CNTNAP5: variants seen among roughly 807,000 people sequenced by gnomAD.
CNTNAP5 encodes the protein contactin-associated protein-like 5.
Under a neutral mutation model 150.2 loss-of-function variants are expected in CNTNAP5, and 72 were observed. That is an observed-to-expected ratio of 0.48 (90% confidence interval 0.40 to 0.58). CNTNAP5 has a LOEUF of 0.58. CNTNAP5 is among the 20% of genes least tolerant of loss of function. The probability of loss-of-function intolerance (pLI) is 0.00; values close to 1 mark genes in which losing one functional copy is unlikely to be tolerated. For synonymous variants in CNTNAP5, 672 were observed against 619.8 expected (o/e 1.08, Z -1.25); for missense variants, 1,636 against 1,626.2 (o/e 1.01, Z -0.10).
At chr2:124,461,899 A>G (rs1244829992) in intron 6 of CNTNAP5, among the ~76,000 whole-genome samples, 2 of 150,578 alleles carry the variant, frequency 1.3e-5, no homozygotes, top group African/African-American at 4.9e-5. Context: ...TTTTATCATT[A>G]TATCCTTCAA....
intron 19 of CNTNAP5, among the ~76,000 whole-genome samples, chr2:124,818,521 G>T (rs1682417086): frequency 6.6e-6 from 1 of 152,040 alleles, no homozygotes; most frequent in African/African-American, 2.4e-5. Context: ...AACAGTATGA[G>T]AACCTGTCTC....
In CNTNAP5 at chr2:124,644,905, TACAC is replaced by T. The variant is rs3039906; in HGVS notation, c.1877-2834_1877-2831del. The stretch of plus-strand genomic sequence containing the variant: ...TATATATCATATGATCACACACACA[TACAC>T]ACACACACACACACACACTGTGTGT... On this transcript the variant is annotated intron_variant, in intron 12 of 23. Transcript: ENST00000682447. Among the ~76,000 whole-genome samples the T allele has an allele frequency of 1.5e-4, 23 of 150,228 alleles. 1 individual carries two copies. The highest frequency in any genetic ancestry group is 2.7e-4 in the Admixed American group (4 of 15,082).
intron 3 of CNTNAP5, among the ~76,000 whole-genome samples, chr2:124,341,243 G>T (rs1252482352): frequency 6.6e-6 from 1 of 152,142 alleles, no homozygotes; most frequent in Non-Finnish European, 1.5e-5. Flanking sequence ...AGACAGGGGA[G>T]CTTACAGAGA....
chr2:124,119,619 G>A (rs886094770), intron 1 of CNTNAP5, among the ~76,000 whole-genome samples: 3 of 152,102 alleles, frequency 2.0e-5, no homozygotes, highest in African/African-American at 7.2e-5. Flanking sequence ...ATTTGAGATA[G>A]AATAGGGGCC....
chr2:124,276,371 AG>A (rs1687884080), intron 3 of CNTNAP5, among the ~76,000 whole-genome samples: 1 of 152,214 alleles, frequency 6.6e-6, no homozygotes, highest in Non-Finnish European at 1.5e-5. Flanking sequence ...TTTAACATAA[AG>A]GAAGTATTGA....
intron 10 of CNTNAP5, among the ~76,000 whole-genome samples, chr2:124,540,081 T>A (rs1036580573): frequency 1.3e-5 from 2 of 152,306 alleles, no homozygotes; most frequent in Admixed American, 1.3e-4. Flanking sequence ...TTGGATTTTA[T>A]GTCTTGCCAA....
At chr2:124,075,105 G>GA (rs1229299324) in intron 1 of CNTNAP5, among the ~76,000 whole-genome samples, 5 of 152,022 alleles carry the variant, frequency 3.3e-5, no homozygotes, top group African/African-American at 7.2e-5. Flanking sequence ...ATAGGGATAT[G>GA]AAAAAATATA....
At chr2:124,693,684 C>T (rs1679344472) in intron 13 of CNTNAP5, among the ~76,000 whole-genome samples, 1 of 152,086 alleles carries the variant, frequency 6.6e-6, no homozygotes. Context: ...CCTTTCCCTA[C>T]TGGGCTCCAC....
At chr2:124,582,392 A>G (rs908482482) in intron 11 of CNTNAP5, among the ~76,000 whole-genome samples, 1 of 152,204 alleles carries the variant, frequency 6.6e-6, no homozygotes, top group Non-Finnish European at 1.5e-5. Context: ...TAGTTTCTCA[A>G]AAGAGATTGA....
At chr2:124,205,700 C>G (rs1007960927) in intron 1 of CNTNAP5, among the ~76,000 whole-genome samples, 2 of 152,192 alleles carry the variant, frequency 1.3e-5, no homozygotes, top group African/African-American at 4.8e-5. Flanking sequence ...CCATACCCGG[C>G]CAAACCTTTT....
chr2:124,279,948 T>C (rs1687973236), intron 3 of CNTNAP5, among the ~76,000 whole-genome samples: 1 of 152,138 alleles, frequency 6.6e-6, no homozygotes, highest in African/African-American at 2.4e-5. Context: ...CTCTGTTCCA[T>C]GCCTTTCGTC....
In CNTNAP5 at chr2:124,918,902, T is replaced by G. The variant is rs1444716730; in HGVS notation, c.*4614T>G. ...TCTAGGAGGATAACTGAGTGCTATT[T>G]TCTGTCTCATGCAGTTTGAACATGT... is the stretch of plus-strand genomic sequence containing the variant. On this transcript the variant is annotated 3_prime_UTR_variant, in exon 24 of 24. Coordinates refer to ENST00000682447, the MANE Select transcript of CNTNAP5 (RefSeq NM_001367498.1). Among the ~76,000 whole-genome samples, 1 of 152,148 alleles carries G rather than the reference T, an allele frequency of 6.6e-6. No homozygotes were observed. The highest frequency in any genetic ancestry group is 1.9e-4 in the East Asian group (1 of 5,166).
chr2:124,339,984 C>T (rs948186428), intron 3 of CNTNAP5, among the ~76,000 whole-genome samples: 1 of 152,112 alleles, frequency 6.6e-6, no homozygotes, highest in Non-Finnish European at 1.5e-5. Context: ...GAGATGTTAT[C>T]TACAGGAACA....
chr2:124,163,125 T>C lies in CNTNAP5; in HGVS notation c.83-58580T>C, dbSNP rs550440381. Among the ~76,000 whole-genome samples, 27 of 152,288 alleles carry C rather than the reference T, an allele frequency of 1.8e-4. No homozygotes were observed. In the East Asian group the frequency reaches 5.2e-3, roughly 29 times the overall value. On this transcript the variant is annotated intron_variant, in intron 1 of 23. Transcript: ENST00000682447. ...AAATTTGGGAACCAACTACAGGGCA[T>C]ATTTAATCTCATCCATCCTTTCATT...
At chr2:124,286,829 G>A (rs774052641) in intron 3 of CNTNAP5, among the ~76,000 whole-genome samples, 2 of 152,104 alleles carry the variant, frequency 1.3e-5, no homozygotes, top group Non-Finnish European at 2.9e-5. Flanking sequence ...AGCAGCTCCC[G>A]TTAATCATTG....
intron 13 of CNTNAP5, among the ~76,000 whole-genome samples, chr2:124,655,084 G>A (rs1421018968): frequency 3.3e-5 from 5 of 151,790 alleles, no homozygotes; most frequent in African/African-American, 1.2e-4. Context: ...CTATCAACCC[G>A]CCATCTAGGT....
In CNTNAP5 at chr2:124,563,326, G is replaced by A. The variant is rs1695937370; in HGVS notation, c.1756+3G>A. 2 of 1,536,588 alleles carry A rather than the reference G, an allele frequency of 1.3e-6. No individual in the cohort carries two copies. Among genetic ancestry groups the A allele is most frequent in the East Asian group, 2.4e-5 (1 of 42,000 alleles). ...CACTGGTGCCACCTGCCACAACTGT[G>A]AGTAGATTGATCATTTGCCCCTGGT... On this transcript the variant is annotated splice_donor_region_variant and intron_variant, in intron 11 of 23. Transcript: ENST00000682447.
intron 8 of CNTNAP5, among the ~76,000 whole-genome samples, chr2:124,508,455 AG>A (rs1431529623): frequency 1.3e-5 from 2 of 152,184 alleles, no homozygotes; most frequent in Non-Finnish European, 2.9e-5. Context: ...AGAGACTTGT[AG>A]GCCTCAGGTC....
chr2:124,359,461 T>C (rs1333968295), intron 3 of CNTNAP5, among the ~76,000 whole-genome samples: 9 of 152,058 alleles, frequency 5.9e-5, no homozygotes, highest in African/African-American at 2.2e-4. Flanking sequence ...AATTTCCCTC[T>C]ACACACGGCT....
Sources: gnomAD v4.1 joint callset for allele counts (sites outside exome capture counted in the v4.1 genomes callset) on GRCh38, gnomAD v4.1.1 for gene constraint, MANE v1.5 for transcripts, NCBI Gene and HGNC (gene_info 2026-07-23, HGNC 2026-07-21) for gene names.